The following GALNT11 variants were observed in gnomAD, a reference collection of about 807,000 sequenced individuals.
GALNT11 encodes polypeptide N-acetylgalactosaminyltransferase 11.
A neutral mutation model predicts 72.7 loss-of-function variants in GALNT11; 47 were observed. The ratio of observed to expected loss-of-function variants is 0.65; its 90% CI spans 0.51 to 0.82. The LOEUF is 0.82. GALNT11 is among the 40% of genes least tolerant of loss of function. GALNT11 has a pLI of 0.00. For synonymous variants in GALNT11, 270 were observed against 286.6 expected (o/e 0.94, Z 0.58); for missense variants, 677 against 778.4 (o/e 0.87, Z 1.55).
chr7:152,109,620 T>C lies in GALNT11; in HGVS notation c.963-908T>C, dbSNP rs540169076. On this transcript the variant is annotated intron_variant, in intron 6 of 11. Coordinates refer to ENST00000430044, the MANE Select transcript of GALNT11 (RefSeq NM_022087.4). The stretch of plus-strand genomic sequence containing the variant: ...CCTTCATATCTGTTTCTGGTGTATG[T>C]TGTTTCTCTCATTTTGTTTTCATGT... Among the ~76,000 whole-genome samples, 12 of 152,376 alleles carry C rather than the reference T, an allele frequency of 7.9e-5. No homozygotes were observed. The South Asian group carries it at 2.3e-3, about 29-fold the overall frequency.
At chr7:152,107,852 T>C in intron 5 of GALNT11, 186 bp from the exon 6 acceptor site, 1 of 607,806 alleles carries the variant, frequency 1.6e-6, no homozygotes, top group Non-Finnish European at 2.9e-6. Flanking sequence ...CACGCAGCAT[T>C]ACTGGCTGAG....
At chr7:152,112,781 T>C (rs2088383328) in intron 7 of GALNT11, among the ~76,000 whole-genome samples, 1 of 152,074 alleles carries the variant, frequency 6.6e-6, no homozygotes, top group African/African-American at 2.4e-5. Flanking sequence ...GGAGTTATTC[T>C]ATATATTTTA....
chr7:152,074,244 T>C (rs952217050), intron 1 of GALNT11: 2 of 152,192 alleles, frequency 1.3e-5, no homozygotes, highest in African/African-American at 4.8e-5. Context: ...GCATTTCCCC[T>C]GTTTTCTTTC....
At chr7:152,077,016 G>A (rs1247390555) in intron 1 of GALNT11, among the ~76,000 whole-genome samples, 1 of 152,192 alleles carries the variant, frequency 6.6e-6, no homozygotes, top group East Asian at 1.9e-4. Context: ...CTTGAGCCCA[G>A]GAGTTGGAGG....
intron 1 of GALNT11, among the ~76,000 whole-genome samples, chr7:152,050,198 C>A (rs938188648): frequency 4.6e-5 from 7 of 152,124 alleles, no homozygotes; most frequent in African/African-American, 1.4e-4. Flanking sequence ...GTAGCCACCA[C>A]ATCTGGGAGT....
chr7:152,036,043 A>G (rs1438483498), intron 1 of GALNT11, among the ~76,000 whole-genome samples: 1 of 152,154 alleles, frequency 6.6e-6, no homozygotes, highest in African/African-American at 2.4e-5. Flanking sequence ...GGGCTTGAAG[A>G]GGGAGGAAGT....
chr7:152,042,495 G>A (rs1038145800), intron 1 of GALNT11, among the ~76,000 whole-genome samples: 1 of 152,048 alleles, frequency 6.6e-6, no homozygotes, highest in African/African-American at 2.4e-5. Context: ...CCATTGTTCT[G>A]TCCAAATTGG....
At chr7:152,092,768 G>A (rs1000902693) in intron 1 of GALNT11, among the ~76,000 whole-genome samples, 4 of 152,158 alleles carry the variant, frequency 2.6e-5, no homozygotes, top group Non-Finnish European at 4.4e-5. Flanking sequence ...GTAGAAATAA[G>A]TAACTTAAAA....
At chr7:152,052,956 T>G (rs990432519) in intron 1 of GALNT11, among the ~76,000 whole-genome samples, 9 of 152,250 alleles carry the variant, frequency 5.9e-5, no homozygotes, top group African/African-American at 2.2e-4. Flanking sequence ...ATATTGATTT[T>G]ATTATCCCTT....
rs925364437 is a variant in GALNT11, at chr7:152,122,029, C to T, written c.*352C>T. The T allele has an allele frequency of 3.4e-5, 6 of 178,690 alleles. No homozygotes were observed. Among genetic ancestry groups the T allele is most frequent in the East Asian group, 1.5e-4 (1 of 6,788 alleles). The allele number at this position is 178,690 out of a possible 1,614,324, so 11.1% of individuals were successfully genotyped here. A position where few individuals can be genotyped will look rare whatever the true frequency, so the allele number is the denominator to read the frequency against. On this transcript the variant is annotated 3_prime_UTR_variant, in exon 12 of 12. Transcript: ENST00000430044. ...TTGGGCTTGTACAGAAGGATAAAACCCAGGAAAATGGATATTTCTATTCAG... is the reference window on the plus strand; with the variant it reads ...TTGGGCTTGTACAGAAGGATAAAACTCAGGAAAATGGATATTTCTATTCAG...
chr7:152,037,527 T>C (rs1240047143), intron 1 of GALNT11, among the ~76,000 whole-genome samples: 1 of 152,214 alleles, frequency 6.6e-6, no homozygotes, highest in Non-Finnish European at 1.5e-5. Context: ...GTAATGTCAT[T>C]CCTTCAGTTC....
intron 1 of GALNT11, among the ~76,000 whole-genome samples, chr7:152,035,914 G>A (rs545096362): frequency 2.8e-4 from 42 of 152,290 alleles, no homozygotes; most frequent in African/African-American, 8.7e-4. Context: ...TGGCTGCTGC[G>A]TAGTGCCCGC....
intron 1 of GALNT11, among the ~76,000 whole-genome samples, chr7:152,064,210 GTGA>G (rs2084178827): frequency 6.6e-6 from 1 of 152,146 alleles, no homozygotes; most frequent in African/African-American, 2.4e-5. Context: ...TTACCGTTAT[GTGA>G]TGGCCTTGTC....
At chr7:152,048,486 A>G (rs2083248723) in intron 1 of GALNT11, among the ~76,000 whole-genome samples, 1 of 150,516 alleles carries the variant, frequency 6.6e-6, no homozygotes, top group Non-Finnish European at 1.5e-5. Flanking sequence ...TTCTACCCCC[A>G]CTGTCTGTCT....
At chr7:152,118,090 C>T (rs560045446) in intron 9 of GALNT11, 1 of 153,034 alleles carries the variant, frequency 6.5e-6, no homozygotes, top group Admixed American at 6.5e-5. Flanking sequence ...AAGCCTAGAG[C>T]TTTCCCCCTT....
At position 152,107,727 on chromosome 7, in the gene GALNT11, G is replaced by C. The variant is rs1488187604; in HGVS notation, c.713-311G>C. 4 of 225,538 alleles carry C rather than the reference G, an allele frequency of 1.8e-5. No homozygotes were observed. In the Admixed American group the frequency reaches 2.0e-4, roughly 11 times the overall value. The allele number at this position is 225,538 out of a possible 1,614,324, so 14.0% of individuals were successfully genotyped here. On this transcript the variant is annotated intron_variant, in intron 5 of 11. Coordinates refer to ENST00000430044, the MANE Select transcript of GALNT11 (RefSeq NM_022087.4). ...AATATCTGGGCTTCCAAAGAGTTGA[G>C]TTGTTACGGTGAGACTTTGACTCTG...
chr7:152,094,200 A>G lies in GALNT11; in HGVS notation c.-28A>G. ...ATTCTTCTTTTTTAGGAAATTGACAATGGCCCTTCAGCTATGCTAGGTCTA... is the reference window on the plus strand; with the variant it reads ...ATTCTTCTTTTTTAGGAAATTGACAGTGGCCCTTCAGCTATGCTAGGTCTA... On this transcript the variant is annotated 5_prime_UTR_variant, in exon 2 of 12. The change abolishes an upstream ATG in the 5' untranslated region. Transcript: ENST00000430044. The surrounding 1 kb of genome is among the most constrained non-coding windows in gnomAD (Gnocchi z 4.3). The G allele has an allele frequency of 1.9e-6, 3 of 1,543,600 alleles. No individual in the cohort carries two copies. The highest frequency in any genetic ancestry group is 2.6e-6 in the Non-Finnish European group (3 of 1,147,194).
At chr7:152,074,126 T>C (rs1202023270) in intron 1 of GALNT11, among the ~76,000 whole-genome samples, 3 of 152,350 alleles carry the variant, frequency 2.0e-5, no homozygotes, top group South Asian at 2.1e-4. Flanking sequence ...TCCTTTGCTG[T>C]ATAGAAGTTT....
intron 1 of GALNT11, among the ~76,000 whole-genome samples, chr7:152,036,232 C>G (rs748532043): frequency 3.3e-5 from 5 of 152,108 alleles, no homozygotes; most frequent in African/African-American, 9.7e-5. Context: ...TTAACTGTCT[C>G]TCCCCTCACT....
Sources: gnomAD v4.1 joint callset for allele counts (sites outside exome capture counted in the v4.1 genomes callset) on GRCh38, gnomAD v4.1.1 for gene constraint, Gnocchi (gnomAD v3.1) non-coding constraint, MANE v1.5 for transcripts, NCBI Gene and HGNC (gene_info 2026-07-23, HGNC 2026-07-21) for gene names.